The following CDYL variants were observed in gnomAD, a reference collection of about 807,000 sequenced individuals.
CDYL encodes the protein chromodomain Y like, also known as chromodomain Y-like protein.
CDYL carries 8 observed loss-of-function variants against 47.3 expected under a neutral mutation model. The observed-to-expected ratio is 0.17, with a 90% CI of 0.10 to 0.31. CDYL has a LOEUF of 0.31. CDYL is among the 10% of genes least tolerant of loss of function. The pLI is 1.00. For missense variants in CDYL, 471 were observed against 701.4 expected, an observed-to-expected ratio of 0.67 and a Z score of 3.71; for synonymous variants, 266 against 265.0, an observed-to-expected ratio of 1.00 and a Z score of -0.04.
At chr6:4,751,250 T>A (rs114714962) in intron 3 of CDYL, among the ~76,000 whole-genome samples, 2,277 of 152,322 alleles carry the variant, frequency 0.015, 58 homozygotes, top group African/African-American at 0.049. Flanking sequence ...ATATACTTGC[T>A]ATACAAACTG....
chr6:4,790,782 G>T (rs1758896773), intron 1 of CDYL, among the ~76,000 whole-genome samples: 2 of 152,208 alleles, frequency 1.3e-5, no homozygotes, highest in African/African-American at 4.8e-5. Flanking sequence ...AAGCAAATTT[G>T]CAGGAAGAAT....
chr6:4,860,886 T>G (rs1031949824), intron 1 of CDYL, among the ~76,000 whole-genome samples: 1 of 152,072 alleles, frequency 6.6e-6, no homozygotes, highest in Non-Finnish European at 1.5e-5. Context: ...GGCAGCTGAT[T>G]AGATTGTGCC....
chr6:4,848,975 C>T (rs1457434926), intron 1 of CDYL, among the ~76,000 whole-genome samples: 2 of 152,164 alleles, frequency 1.3e-5, no homozygotes, highest in African/African-American at 4.8e-5. Context: ...TGCATAACAG[C>T]AAAGATTAAA....
intron 1 of CDYL, among the ~76,000 whole-genome samples, chr6:4,710,364 G>GGAGT (rs1247263192): frequency 1.3e-3 from 158 of 119,476 alleles, no homozygotes; most frequent in African/African-American, 5.4e-3. Context: ...AGGGAGGGAA[G>GGAGT]GAGGGAGGGA....
intron 1 of CDYL, among the ~76,000 whole-genome samples, chr6:4,822,406 A>G (rs992655816): frequency 1.3e-5 from 2 of 151,758 alleles, no homozygotes; most frequent in Admixed American, 6.5e-5. Flanking sequence ...CAAAGCTACA[A>G]ATTTAATCTG....
intron 3 of CDYL, among the ~76,000 whole-genome samples, chr6:4,766,740 C>CTTGT (rs1758257452): frequency 6.6e-6 from 1 of 152,062 alleles, no homozygotes; most frequent in Non-Finnish European, 1.5e-5. Context: ...CACAGTGGCT[C>CTTGT]ACACCTGTAA....
intron 4 of CDYL, among the ~76,000 whole-genome samples, chr6:4,941,166 A>G (rs1009687050): frequency 6.6e-6 from 1 of 152,240 alleles, no homozygotes; most frequent in African/African-American, 2.4e-5. Flanking sequence ...ATTTAACTTC[A>G]GTACATTGCA....
At chr6:4,720,888 GTTAATA>G (rs1161464637) in intron 2 of CDYL, among the ~76,000 whole-genome samples, 13 of 152,262 alleles carry the variant, frequency 8.5e-5, no homozygotes, top group East Asian at 5.8e-4. Context: ...TATGATAGCT[GTTAATA>G]TTATCATTTA....
chr6:4,751,274 C>T (rs958334491), intron 3 of CDYL, among the ~76,000 whole-genome samples: 1 of 152,072 alleles, frequency 6.6e-6, no homozygotes, highest in Non-Finnish European at 1.5e-5. Context: ...TCCCTGGAGT[C>T]GCAGCATCAG....
intron 2 of CDYL, among the ~76,000 whole-genome samples, chr6:4,733,681 TA>T (rs913913731): frequency 1.8e-4 from 27 of 152,128 alleles, no homozygotes; most frequent in African/African-American, 6.3e-4. Flanking sequence ...AAAATTTCAG[TA>T]AGTGAAGGCA....
At chr6:4,801,853 T>A (rs1207281277) in intron 1 of CDYL, among the ~76,000 whole-genome samples, 2 of 152,220 alleles carry the variant, frequency 1.3e-5, no homozygotes, top group African/African-American at 2.4e-5. Context: ...TACTCTTTTT[T>A]AAAAATATTG....
intron 1 of CDYL, among the ~76,000 whole-genome samples, chr6:4,826,704 T>C (rs758465055): frequency 2.0e-5 from 3 of 152,264 alleles, no homozygotes; most frequent in South Asian, 2.1e-4. Context: ...TTCCACAAGA[T>C]AACTTTGTAA....
chr6:4,776,863 C>G (rs1758471641), intron 1 of CDYL, 56 bp downstream of exon 1: 1 of 795,696 alleles, frequency 1.3e-6, no homozygotes, highest in Admixed American at 6.5e-5. Flanking sequence ...CCTCCCGGCC[C>G]GGCCGCGCCG....
At chr6:4,908,933 C>T (rs955465991) in intron 2 of CDYL, among the ~76,000 whole-genome samples, 1 of 152,114 alleles carries the variant, frequency 6.6e-6, no homozygotes, top group African/African-American at 2.4e-5. Flanking sequence ...TTCTGCTTAC[C>T]TGGTTAAGCC....
At chr6:4,792,399 A>C (rs1352070693) in intron 1 of CDYL, among the ~76,000 whole-genome samples, 1 of 150,892 alleles carries the variant, frequency 6.6e-6, no homozygotes, top group Non-Finnish European at 1.5e-5. Context: ...TAAATCTGAC[A>C]TTTTAATGTA....
chr6:4,749,839 C>T (rs1408633264), intron 3 of CDYL, among the ~76,000 whole-genome samples: 1 of 152,080 alleles, frequency 6.6e-6, no homozygotes, highest in African/African-American at 2.4e-5. Flanking sequence ...TAAAGTGGGT[C>T]CCCTTCGAGA....
At chr6:4,856,247 G>T (rs963392946) in intron 1 of CDYL, among the ~76,000 whole-genome samples, 9 of 152,348 alleles carry the variant, frequency 5.9e-5, no homozygotes, top group African/African-American at 1.9e-4. Flanking sequence ...AAAAAATAAA[G>T]CAGAGAGTGG....
In CDYL at chr6:4,859,551, T is replaced by TTGAC. The variant is rs1362516919; in HGVS notation, c.25-32159_25-32156dup. On this transcript the variant is annotated intron_variant, in intron 1 of 6. Transcript: ENST00000397588. ...CAATTTAAGGGTGGCAGCCTTGCCTTTGACTGTCCCAGGAAAGGGGATTTT... is the reference window on the plus strand; with the variant it reads ...CAATTTAAGGGTGGCAGCCTTGCCTTTGACTGACTGTCCCAGGAAAGGGGATTTT... Among the ~76,000 whole-genome samples the TTGAC allele has an allele frequency of 8.5e-5, 13 of 152,318 alleles. No homozygotes were observed. The South Asian group carries it at 2.5e-3, about 29-fold the overall frequency.
In CDYL at chr6:4,863,591, A is replaced by G. The variant is rs182411277; in HGVS notation, c.25-28122A>G. Among the ~76,000 whole-genome samples, 11 of 152,372 alleles carry G rather than the reference A, an allele frequency of 7.2e-5. No homozygotes were observed. The East Asian group carries it at 9.6e-4, about 13-fold the overall frequency. The stretch of plus-strand genomic sequence containing the variant: ...TCCTTGCTTTGATGCAGCTGGTTCC[A>G]GTTGCAAAATGGTATTTCCCATGAG... On this transcript the variant is annotated intron_variant, in intron 1 of 6. Transcript: ENST00000397588.
Sources: gnomAD v4.1 joint callset for allele counts (sites outside exome capture counted in the v4.1 genomes callset) on GRCh38, gnomAD v4.1.1 for gene constraint, MANE v1.5 for transcripts, NCBI Gene and HGNC (gene_info 2026-07-23, HGNC 2026-07-21) for gene names.